The following PRDM5 variants were observed in gnomAD, a reference collection of about 807,000 sequenced individuals.
PRDM5 encodes PR domain zinc finger protein 5.
PRDM5 carries 56 observed loss-of-function variants against 81.2 expected under a neutral mutation model. The observed-to-expected ratio is 0.69, with a 90% CI of 0.56 to 0.86. PRDM5 has a LOEUF of 0.86. Ranked by LOEUF, PRDM5 falls within the 40% of genes least tolerant of loss-of-function variation. The pLI, the probability that PRDM5 is intolerant of heterozygous loss-of-function variation, is 0.00. For missense variants in PRDM5, 697 were observed against 770.1 expected (o/e 0.91, Z 1.12); for synonymous variants, 267 against 256.4 (o/e 1.04, Z -0.39).
At chr4:120,909,957 A>T (rs991828069) in intron 1 of PRDM5, among the ~76,000 whole-genome samples, 2 of 152,178 alleles carry the variant, frequency 1.3e-5, no homozygotes, top group African/African-American at 4.8e-5. Context: ...ACACACCTAT[A>T]AAACTGAGAT....
chr4:120,813,813 A>G (rs1399050655), intron 7 of PRDM5, among the ~76,000 whole-genome samples: 3 of 152,116 alleles, frequency 2.0e-5, no homozygotes, highest in Non-Finnish European at 4.4e-5. Flanking sequence ...GCCCTGTCCT[A>G]GCCCTCATAG....
intron 2 of PRDM5, among the ~76,000 whole-genome samples, chr4:120,865,197 G>A (rs182826520): frequency 2.1e-3 from 321 of 152,326 alleles, no homozygotes; most frequent in Middle Eastern, 0.017. Flanking sequence ...CTCCAAGTGG[G>A]GAGAAATTCT....
Position 120,777,240 on chromosome 4 carries a change from G to A in PRDM5, c.1485C>T (p.Gly495=), listed in dbSNP as rs765867459. The change falls in exon 13 of 16, where the codon GGC becomes GGT. Residue 495 remains glycine, a synonymous_variant. Transcript: ENST00000264808. ...GTGTACCACTGCTGGCAAATTTCTG[G>A]CCACAATATGGACAGATTTTCTCCT... ...GEKEKICPYC[G]QKFASSGTLR... 6.2e-7 allele frequency: 1 copy of A among 1,613,392 alleles called. No individual in the cohort carries two copies. Among genetic ancestry groups the A allele is most frequent in the Admixed American group, 1.7e-5 (1 of 59,958 alleles).
intron 2 of PRDM5, among the ~76,000 whole-genome samples, chr4:120,904,567 A>G (rs964991929): frequency 3.9e-5 from 6 of 152,192 alleles, no homozygotes; most frequent in African/African-American, 1.4e-4. Flanking sequence ...AAATGTATAA[A>G]ATCAATAGCT....
chr4:120,859,345 C>G (rs900919424), intron 2 of PRDM5, among the ~76,000 whole-genome samples: 4 of 151,958 alleles, frequency 2.6e-5, no homozygotes, highest in Non-Finnish European at 4.4e-5. Context: ...TCCCAGATAG[C>G]TGGGACTGGG....
rs993723077 is a variant in PRDM5 at position 120,916,635 on chromosome 4, C to A, written c.93+5881G>T. Among the ~76,000 whole-genome samples, 4 of 152,088 alleles carry A rather than the reference C, an allele frequency of 2.6e-5. No homozygotes were observed. The South Asian group carries it at 8.3e-4, about 32-fold the overall frequency. On this transcript the variant is annotated intron_variant, in intron 1 of 15. Transcript: ENST00000264808. ...GTATCTCACTGACACTTTGACATAT[C>A]CCCTTGCTGTCTAACAGACATCTCA...
chr4:120,727,707 G>A (rs967640119), intron 14 of PRDM5, among the ~76,000 whole-genome samples: 5 of 152,160 alleles, frequency 3.3e-5, no homozygotes, highest in East Asian at 1.9e-4. Flanking sequence ...CGGCTGAGGC[G>A]GGTGGATCAC....
At chr4:120,831,321 C>T (rs1756684746) in intron 3 of PRDM5, among the ~76,000 whole-genome samples, 1 of 151,998 alleles carries the variant, frequency 6.6e-6, no homozygotes, top group Non-Finnish European at 1.5e-5. Flanking sequence ...AATGATGCCC[C>T]ACCTGAAGTC....
intron 2 of PRDM5, among the ~76,000 whole-genome samples, chr4:120,867,783 A>T (rs530225466): frequency 4.3e-4 from 65 of 152,372 alleles, no homozygotes; most frequent in African/African-American, 1.5e-3. Context: ...ACAAAGTGAC[A>T]AAAACACCTT....
chr4:120,826,775 G>C (rs574486153), intron 3 of PRDM5, among the ~76,000 whole-genome samples: 5 of 152,142 alleles, frequency 3.3e-5, no homozygotes, highest in Admixed American at 6.5e-5. Flanking sequence ...ATCATTCTGA[G>C]CATGCTTTGA....
intron 9 of PRDM5, among the ~76,000 whole-genome samples, chr4:120,799,341 T>A (rs1380753895): frequency 2.0e-5 from 3 of 152,190 alleles, no homozygotes; most frequent in South Asian, 2.1e-4. Flanking sequence ...ATTTAATCTT[T>A]GCAGCTAATT....
At chr4:120,858,794 G>A (rs1760206013) in intron 2 of PRDM5, among the ~76,000 whole-genome samples, 2 of 148,838 alleles carry the variant, frequency 1.3e-5, no homozygotes, top group African/African-American at 2.4e-5. Context: ...TACATACAAA[G>A]TTAATATAAA....
At chr4:120,807,394 A>G (rs1240446471) in intron 8 of PRDM5, among the ~76,000 whole-genome samples, 1 of 152,262 alleles carries the variant, frequency 6.6e-6, no homozygotes, top group Non-Finnish European at 1.5e-5. Context: ...TCATGCTGCT[A>G]TAAAGACACA....
At chr4:120,867,684 T>A (rs527699256) in intron 2 of PRDM5, among the ~76,000 whole-genome samples, 3 of 152,356 alleles carry the variant, frequency 2.0e-5, no homozygotes, top group Non-Finnish European at 4.4e-5. Flanking sequence ...TTGAGTTTTT[T>A]AAAGTATGCT....
At chr4:120,777,153 T>C (rs752129901) in intron 13 of PRDM5, 35 bp downstream of exon 13, 16 of 1,612,966 alleles carry the variant, frequency 9.9e-6, no homozygotes, top group African/African-American at 1.3e-5. Flanking sequence ...TTTCTCTAAG[T>C]GGTTTTTTCA....
chr4:120,738,905 T>C (rs1285095231), intron 14 of PRDM5, among the ~76,000 whole-genome samples: 1 of 152,238 alleles, frequency 6.6e-6, no homozygotes, highest in Non-Finnish European at 1.5e-5. Context: ...ATTTTAATTA[T>C]TTTGTTTAAT....
intron 14 of PRDM5, among the ~76,000 whole-genome samples, chr4:120,721,704 C>T (rs144424245): frequency 6.0e-4 from 91 of 152,316 alleles, no homozygotes; most frequent in East Asian, 1.5e-3. Flanking sequence ...TGTTTAAAAA[C>T]GTGATCAAGG....
Position 120,799,681 on chromosome 4 carries a change from C to G in PRDM5, c.1010G>C (p.Arg337Pro), listed in dbSNP as rs140554156. ...KKFISANQLKRHMITHSEKRP... is the reference protein window; with the variant it reads ...KKFISANQLKPHMITHSEKRP... Reference sequence around the variant, plus strand: ...TTTACCTGAGTGGGTGATCATATGACGTTTTAGCTGATTAGCTGAAATAAA... The same window carrying G: ...TTTACCTGAGTGGGTGATCATATGAGGTTTTAGCTGATTAGCTGAAATAAA... The change falls in exon 9 of 16, where the codon CGT becomes CCT. Residue 337 changes from arginine (R) to proline (P), a missense_variant. Physicochemically the swap from Arg to Pro is moderately radical, Grantham distance 103. This residue lies in a region of PRDM5 where 577 missense variants were observed against 606.7 expected (regional missense o/e 0.95). Transcript: ENST00000264808. 1.2e-5 allele frequency: 19 copies of G among 1,612,512 alleles called. No individual in the cohort carries two copies. Among genetic ancestry groups the G allele is most frequent in the Non-Finnish European group, 1.6e-5 (19 of 1,179,644 alleles).
At chr4:120,718,322 A>G (rs1202928549) in intron 14 of PRDM5, among the ~76,000 whole-genome samples, 2 of 152,196 alleles carry the variant, frequency 1.3e-5, no homozygotes, top group Admixed American at 1.3e-4. Context: ...ACAGAAAGAC[A>G]TTTTAGGACT....
Sources: gnomAD v4.1 joint callset for allele counts (sites outside exome capture counted in the v4.1 genomes callset) on GRCh38, gnomAD v4.1.1 for gene constraint, gnomAD v4.1.1 regional missense constraint, MANE v1.5 for transcripts, NCBI Gene and HGNC (gene_info 2026-07-23, HGNC 2026-07-21) for gene names.